Variants in MRAS observed in about 807,000 individuals in gnomAD.
The protein encoded by MRAS is ras-related protein M-Ras.
A neutral mutation model predicts 20.9 loss-of-function variants in MRAS; 4 were observed. That is an observed-to-expected ratio of 0.19 (90% CI 0.09 to 0.44). The LOEUF is 0.44. Among genes scored for constraint, MRAS ranks in the 20% least tolerant of loss-of-function variants. The pLI is 0.99. For synonymous variants in MRAS, 98 were observed against 102.9 expected, an observed-to-expected ratio of 0.95 and a Z score of 0.29; for missense variants, 154 against 277.5, an observed-to-expected ratio of 0.56 and a Z score of 3.16.
At chr3:138,351,918 T>C (rs2054236036) in intron 1 of MRAS, among the ~76,000 whole-genome samples, 1 of 152,200 alleles carries the variant, frequency 6.6e-6, no homozygotes, top group African/African-American at 2.4e-5. Flanking sequence ...CAGCCCTGGA[T>C]CCCAGTTTAG....
At chr3:138,398,091 C>T (rs1305561787) in intron 3 of MRAS, among the ~76,000 whole-genome samples, 2 of 152,184 alleles carry the variant, frequency 1.3e-5, no homozygotes, top group East Asian at 1.9e-4. Flanking sequence ...AGAATCTTTA[C>T]GGTGGCCATG....
chr3:138,367,968 C>T (rs904044958), intron 1 of MRAS, among the ~76,000 whole-genome samples: 1 of 152,240 alleles, frequency 6.6e-6, no homozygotes, highest in Non-Finnish European at 1.5e-5. Flanking sequence ...GCCTTTTAGG[C>T]AGAAGTTTCC....
intron 1 of MRAS, among the ~76,000 whole-genome samples, chr3:138,358,088 A>C (rs1417653994): frequency 1.3e-5 from 2 of 152,170 alleles, no homozygotes; most frequent in African/African-American, 2.4e-5. Flanking sequence ...TAATCCCAGC[A>C]CTTTGGGAGG....
At chr3:138,380,253 G>A (rs982034204) in intron 2 of MRAS, among the ~76,000 whole-genome samples, 1 of 151,694 alleles carries the variant, frequency 6.6e-6, no homozygotes, top group South Asian at 2.1e-4. Flanking sequence ...TTAATCCCTT[G>A]CCCCTTAAAC....
At chr3:138,377,169 T>C (rs900014991) in intron 2 of MRAS, among the ~76,000 whole-genome samples, 2 of 152,248 alleles carry the variant, frequency 1.3e-5, no homozygotes, top group Non-Finnish European at 2.9e-5. Context: ...GGCATTACTT[T>C]AGAAGAATGA....
At chr3:138,397,586 G>T in intron 3 of MRAS, 109 bp downstream of exon 3, 2 of 1,354,860 alleles carry the variant, frequency 1.5e-6, no homozygotes, top group Non-Finnish European at 9.9e-7. Context: ...CTAATTAAAG[G>T]CGTGGATTTT....
chr3:138,351,965 T>G (rs978842453), intron 1 of MRAS, among the ~76,000 whole-genome samples: 1 of 152,230 alleles, frequency 6.6e-6, no homozygotes, highest in African/African-American at 2.4e-5. Flanking sequence ...TTCTCTAATG[T>G]TCATGGCAGA....
chr3:138,404,380 T>C lies in MRAS; in HGVS notation c.*2111T>C, dbSNP rs897364614. ...CACCAACCACTACGAGCATACCCCATGCCCACCGTGGAGCTGCAACTCCTC... is the reference window on the plus strand; with the variant it reads ...CACCAACCACTACGAGCATACCCCACGCCCACCGTGGAGCTGCAACTCCTC... On this transcript the variant is annotated 3_prime_UTR_variant, in exon 6 of 6. Coordinates refer to ENST00000423968, the MANE Select transcript of MRAS (RefSeq NM_001085049.3). 6.6e-6 allele frequency: 1 copy of C among 152,190 alleles called. No homozygotes were observed. The highest frequency in any genetic ancestry group is 1.5e-5 in the Non-Finnish European group (1 of 68,066). 9.4% of individuals were successfully genotyped at this position (152,190 alleles called of 1,614,324 possible). A position where few individuals can be genotyped will look rare whatever the true frequency, so the allele number is the denominator to read the frequency against.
intron 2 of MRAS, among the ~76,000 whole-genome samples, chr3:138,392,470 A>G (rs2055152873): frequency 6.6e-6 from 1 of 152,250 alleles, no homozygotes; most frequent in African/African-American, 2.4e-5. Flanking sequence ...CATAATGATT[A>G]TGGAATTTGT....
At chr3:138,395,213 G>A (rs1004515531) in intron 2 of MRAS, among the ~76,000 whole-genome samples, 1 of 151,872 alleles carries the variant, frequency 6.6e-6, no homozygotes, top group Non-Finnish European at 1.5e-5. Flanking sequence ...GCTAATTTTT[G>A]TATTTTTAGT....
chr3:138,397,685 A>G (rs2055270095), intron 3 of MRAS, among the ~76,000 whole-genome samples: 1 of 152,232 alleles, frequency 6.6e-6, no homozygotes, highest in Non-Finnish European at 1.5e-5. Context: ...TATGTAATGA[A>G]AATAAAAGCA....
chr3:138,363,487 A>T (rs2054492886), intron 1 of MRAS, among the ~76,000 whole-genome samples: 3 of 152,122 alleles, frequency 2.0e-5, no homozygotes, highest in Admixed American at 6.5e-5. Flanking sequence ...GTGCTCCTGC[A>T]TTACTTACCC....
chr3:138,385,758 ACC>A (rs2054999100), intron 2 of MRAS, among the ~76,000 whole-genome samples: 1 of 151,978 alleles, frequency 6.6e-6, no homozygotes, highest in Non-Finnish European at 1.5e-5. Flanking sequence ...CAGGTAATCC[ACC>A]TGCCTTGGCC....
At position 138,372,931 on chromosome 3, in the gene MRAS, G is replaced by C; in HGVS notation, c.48G>C (p.Leu16=). The part of the protein sequence containing the change: ...VPSDNLPTYK[L]VVVGDGGVGK... ...GTGACAACCTCCCCACATACAAGCT[G>C]GTGGTGGTGGGGGATGGGGGTGTGG... The change falls in exon 2 of 6, where the codon CTG becomes CTC. Residue 16 remains leucine (L), a synonymous_variant. Coordinates refer to ENST00000423968, the MANE Select transcript of MRAS (RefSeq NM_001085049.3). 6.4e-7 allele frequency: 1 copy of C among 1,555,238 alleles called. No homozygotes were observed. Among genetic ancestry groups the C allele is most frequent in the Admixed American group, 2.1e-5 (1 of 48,250 alleles).
chr3:138,361,833 GTCC>G (rs1449150614), intron 1 of MRAS, among the ~76,000 whole-genome samples: 1 of 152,226 alleles, frequency 6.6e-6, no homozygotes, highest in Non-Finnish European at 1.5e-5. Flanking sequence ...GGCTGCAGGA[GTCC>G]TCCTCTTTCA....
chr3:138,354,060 G>C (rs771330662), intron 1 of MRAS, among the ~76,000 whole-genome samples: 1 of 152,182 alleles, frequency 6.6e-6, no homozygotes, highest in Non-Finnish European at 1.5e-5. Flanking sequence ...GTGGGCAAAG[G>C]CCTCATGAGG....
chr3:138,382,727 G>T (rs1325191315), intron 2 of MRAS, among the ~76,000 whole-genome samples: 1 of 152,196 alleles, frequency 6.6e-6, no homozygotes, highest in African/African-American at 2.4e-5. Context: ...CACAGCCTGG[G>T]CTCGTTCCAG....
At chr3:138,397,979 ATAATTTTTTAAAATGG>A (rs1169512536) in intron 3 of MRAS, among the ~76,000 whole-genome samples, 3 of 152,264 alleles carry the variant, frequency 2.0e-5, no homozygotes, top group Non-Finnish European at 4.4e-5. Flanking sequence ...CTGTCAAATT[ATAATTTTTTAAAATGG>A]AAATACCCAA....
chr3:138,379,581 C>T (rs1027349800), intron 2 of MRAS, among the ~76,000 whole-genome samples: 18 of 152,174 alleles, frequency 1.2e-4, no homozygotes, highest in African/African-American at 3.9e-4. Flanking sequence ...TGGTCTCGAA[C>T]TCCTGACCTC....
Sources: allele counts gnomAD v4.1 joint callset (sites outside exome capture counted in the v4.1 genomes callset), GRCh38; gene constraint gnomAD v4.1.1; transcripts MANE v1.5; gene names NCBI Gene and HGNC (gene_info 2026-07-23, HGNC 2026-07-21).